Variants in ZMYM2 observed in about 807,000 individuals in gnomAD.
The protein encoded by ZMYM2 is zinc finger MYM-type containing 2, also known as zinc finger MYM-type protein 2.
A neutral mutation model predicts 162.8 loss-of-function variants in ZMYM2; 56 were observed. The observed-to-expected ratio is 0.34, with a 90% CI of 0.28 to 0.43. The LOEUF (loss-of-function observed/expected upper bound fraction) is 0.43, where lower values mean the gene tolerates loss of function less well. Ranked by LOEUF, ZMYM2 falls within the 20% of genes least tolerant of loss-of-function variation. ZMYM2 has a pLI of 1.00. For synonymous variants in ZMYM2, 510 were observed against 541.6 expected (o/e 0.94, Z 0.81); for missense variants, 1,275 against 1,621.8 (o/e 0.79, Z 3.67).
chr13:20,046,583 G>T (rs7997473), intron 12 of ZMYM2, among the ~76,000 whole-genome samples: 1 of 109,758 alleles, frequency 9.1e-6, no homozygotes, highest in Admixed American at 1.1e-4. Context: ...ATATATATAT[G>T]TGTGTGTGTG....
At chr13:19,954,284 A>G (rs963118282), upstream of ZMYM2, among the ~76,000 whole-genome samples, 2 of 151,224 alleles carry the variant, frequency 1.3e-5, no homozygotes, top group Middle Eastern at 3.2e-3. Context: ...GCCCACCACC[A>G]TGCCTGGCTA....
rs10642086 is a variant in ZMYM2 at position 20,031,865 on chromosome 13, G to GTTTTTTTTTT, written c.1968+438_1968+447dup. ...TATAAAATGATACAATTCTGTAATT[G>GTTTTTTTTTT]TTTTTTTTTTTTTTTTTCTTTTTTT... On this transcript the variant is annotated intron_variant, in intron 10 of 24. Transcript: ENST00000610343. Among the ~76,000 whole-genome samples the GTTTTTTTTTT allele has an allele frequency of 1.4e-3, 186 of 130,198 alleles. 1 individual carries two copies. Among genetic ancestry groups the GTTTTTTTTTT allele is most frequent in the African/African-American group, 3.1e-3 (105 of 34,062 alleles). 85.4% of individuals were successfully genotyped at this position (130,198 alleles called of 152,430 possible).
At chr13:20,027,595 A>G (rs1243465961) in intron 9 of ZMYM2, among the ~76,000 whole-genome samples, 1 of 152,108 alleles carries the variant, frequency 6.6e-6, no homozygotes, top group Non-Finnish European at 1.5e-5. Flanking sequence ...TTTTCTTATT[A>G]GATAGTTTGA....
At chr13:19,868,220 C>A in the ZMYM2 span, among the ~76,000 whole-genome samples, 1 of 152,138 alleles carries the variant, frequency 6.6e-6, no homozygotes, top group African/African-American at 2.4e-5. Flanking sequence ...ATTTTTATAT[C>A]AACAGTTGTT....
At chr13:19,972,354 C>T (rs1465031719) in intron 2 of ZMYM2, among the ~76,000 whole-genome samples, 2 of 152,132 alleles carry the variant, frequency 1.3e-5, no homozygotes, top group African/African-American at 2.4e-5. Context: ...TGTCTCCATT[C>T]TGCAAAGGTT....
At chr13:19,955,350 C>A (rs935154298), upstream of ZMYM2, among the ~76,000 whole-genome samples, 1 of 151,982 alleles carries the variant, frequency 6.6e-6, no homozygotes, top group Middle Eastern at 3.4e-3. Context: ...CTCGTTTCAC[C>A]CCCTAAAAAA....
At chr13:20,024,363 C>G (rs1952388842) in intron 7 of ZMYM2, 2 of 206,900 alleles carry the variant, frequency 9.7e-6, no homozygotes, top group South Asian at 1.9e-4. Flanking sequence ...GATCACAAAT[C>G]CAAGGAATAG....
intron 4 of ZMYM2, among the ~76,000 whole-genome samples, chr13:20,004,219 G>C (rs1313605050): frequency 6.6e-6 from 1 of 152,022 alleles, no homozygotes. Flanking sequence ...AGAATAAAAG[G>C]AAAACTTCAA....
the ZMYM2 span, among the ~76,000 whole-genome samples, chr13:19,871,358 T>C: frequency 6.6e-6 from 1 of 152,184 alleles, no homozygotes; most frequent in Non-Finnish European, 1.5e-5. Flanking sequence ...AACGATTACT[T>C]ATTGATAAAA....
chr13:19,949,058 T>C, the ZMYM2 span, among the ~76,000 whole-genome samples: 11 of 151,448 alleles, frequency 7.3e-5, no homozygotes, highest in African/African-American at 2.7e-4. Flanking sequence ...TTGCTTGAGC[T>C]GAGTTCAAGA....
chr13:19,884,982 G>A, the ZMYM2 span, among the ~76,000 whole-genome samples: 2 of 152,102 alleles, frequency 1.3e-5, no homozygotes, highest in African/African-American at 2.4e-5. Flanking sequence ...ATTTTACAGA[G>A]TGCTGATTGG....
intron 1 of ZMYM2, among the ~76,000 whole-genome samples, 193 bp downstream of exon 1, chr13:19,959,034 C>T (rs1954829254): frequency 6.6e-6 from 1 of 151,762 alleles, no homozygotes; most frequent in Non-Finnish European, 1.5e-5. Context: ...GCCGCTGCCG[C>T]GTCGGGGCCT....
At chr13:19,955,040 G>C (rs1954479565), upstream of ZMYM2, among the ~76,000 whole-genome samples, 1 of 151,744 alleles carries the variant, frequency 6.6e-6, no homozygotes, top group Non-Finnish European at 1.5e-5. Flanking sequence ...TCAAACTCCC[G>C]ATCTCAAGTG....
intron 22 of ZMYM2, 81 bp downstream of exon 22, chr13:20,082,211 A>T: frequency 9.7e-7 from 1 of 1,031,744 alleles, no homozygotes; most frequent in Non-Finnish European, 1.4e-6. Flanking sequence ...AAATATTATA[A>T]TTAAGTCACT....
intron 19 of ZMYM2, among the ~76,000 whole-genome samples, chr13:20,065,948 G>C (rs933519673): frequency 1.3e-5 from 2 of 152,162 alleles, no homozygotes; most frequent in South Asian, 4.1e-4. Flanking sequence ...TTGTTGAAAA[G>C]TTCTTCAGTT....
At chr13:19,884,289 A>C in the ZMYM2 span, among the ~76,000 whole-genome samples, 2 of 152,148 alleles carry the variant, frequency 1.3e-5, no homozygotes, top group Non-Finnish European at 2.9e-5. Context: ...CGCTGACGCC[A>C]GTGGCGGGGT....
At chr13:19,928,671 C>T in the ZMYM2 span, among the ~76,000 whole-genome samples, 2 of 151,996 alleles carry the variant, frequency 1.3e-5, no homozygotes, top group African/African-American at 4.8e-5. Flanking sequence ...GTGGCACATG[C>T]CTGTAGTCCT....
At chr13:19,925,681 T>C in the ZMYM2 span, among the ~76,000 whole-genome samples, 1 of 151,644 alleles carries the variant, frequency 6.6e-6, no homozygotes, top group Non-Finnish European at 1.5e-5. Flanking sequence ...CAGACCGGCC[T>C]GGCCAATGTG....
At chr13:19,929,990 A>T in the ZMYM2 span, among the ~76,000 whole-genome samples, 3 of 152,208 alleles carry the variant, frequency 2.0e-5, no homozygotes, top group African/African-American at 7.2e-5. Context: ...CTGGGATGGT[A>T]GTTCATGCCT....
Sources: gnomAD v4.1 joint callset for allele counts (sites outside exome capture counted in the v4.1 genomes callset) on GRCh38, gnomAD v4.1.1 for gene constraint, MANE v1.5 for transcripts, NCBI Gene and HGNC (gene_info 2026-07-23, HGNC 2026-07-21) for gene names.